Variants in PKNOX2 observed in about 807,000 individuals in gnomAD.
PKNOX2 encodes the protein homeobox protein PKNOX2.
In PKNOX2, 14 loss-of-function variants were observed where a neutral mutation model predicts 53.1. The ratio of observed to expected loss-of-function variants is 0.26; its 90% CI spans 0.17 to 0.41. The LOEUF (loss-of-function observed/expected upper bound fraction) is 0.41. PKNOX2 is among the 10% of genes least tolerant of loss of function. PKNOX2 has a pLI of 1.00. For synonymous variants in PKNOX2, 257 were observed against 242.8 expected, an observed-to-expected ratio of 1.06 and a Z score of -0.54; for missense variants, 496 against 602.8, an observed-to-expected ratio of 0.82 and a Z score of 1.85.
intron 1 of PKNOX2, among the ~76,000 whole-genome samples, chr11:125,205,911 T>C (rs1358977554): frequency 6.6e-6 from 1 of 152,122 alleles, no homozygotes; most frequent in South Asian, 2.1e-4. Flanking sequence ...AAGATTACAA[T>C]GCAGGAGACA....
At chr11:125,308,715 A>T (rs1367033340) in intron 2 of PKNOX2, among the ~76,000 whole-genome samples, 1 of 152,178 alleles carries the variant, frequency 6.6e-6, no homozygotes, top group Admixed American at 6.5e-5. Flanking sequence ...ATCTCTGATT[A>T]GAGAGGCTTT....
At chr11:125,350,007 G>A (rs1951210998) in intron 3 of PKNOX2, among the ~76,000 whole-genome samples, 1 of 152,136 alleles carries the variant, frequency 6.6e-6, no homozygotes, top group African/African-American at 2.4e-5. Flanking sequence ...AGCCCTAGGT[G>A]CCTCAGGGAG....
rs189158126 is a variant in PKNOX2, at chr11:125,344,159, G to A, written c.-22-7125G>A. Among the ~76,000 whole-genome samples the A allele has an allele frequency of 1.4e-3, 212 of 152,316 alleles. 1 individual carries two copies. The highest frequency in any genetic ancestry group is 2.4e-3 in the Non-Finnish European group (160 of 68,026). ...GAGGGACCCGGCACCCTCTCCTCCA[G>A]GGTGGGTCTCTAATGTAAGCTTCTG... On this transcript the variant is annotated intron_variant, in intron 3 of 12. Transcript: ENST00000298282.
At chr11:125,367,335 G>T (rs1241749914) in intron 4 of PKNOX2, among the ~76,000 whole-genome samples, 1 of 152,152 alleles carries the variant, frequency 6.6e-6, no homozygotes, top group Non-Finnish European at 1.5e-5. Context: ...AAGTGGCCAG[G>T]TAAACCAAAT....
chr11:125,178,671 A>AAGG (rs1412248302), intron 1 of PKNOX2, among the ~76,000 whole-genome samples: 2 of 116,280 alleles, frequency 1.7e-5, no homozygotes, highest in Non-Finnish European at 3.3e-5. Context: ...GGAAGGAAGG[A>AAGG]AAGAAAGAGA....
At chr11:125,250,006 G>A (rs1052396932) in intron 2 of PKNOX2, among the ~76,000 whole-genome samples, 3 of 150,156 alleles carry the variant, frequency 2.0e-5, no homozygotes, top group Non-Finnish European at 3.0e-5. Flanking sequence ...CAGAGGTTGC[G>A]GTGAGCAGAG....
At chr11:125,167,595 A>G (rs900204237) in intron 1 of PKNOX2, among the ~76,000 whole-genome samples, 4 of 152,206 alleles carry the variant, frequency 2.6e-5, no homozygotes, top group African/African-American at 9.6e-5. Flanking sequence ...GGGCCCGACC[A>G]CCGCTCACAG....
In PKNOX2 at chr11:125,408,312, A is replaced by C. The variant is rs188668426; in HGVS notation, c.589-1884A>C. Among the ~76,000 whole-genome samples the C allele has an allele frequency of 3.3e-5, 5 of 152,338 alleles. No individual in the cohort carries two copies. In the East Asian group the frequency reaches 9.7e-4, roughly 29 times the overall value. On this transcript the variant is annotated intron_variant, in intron 7 of 12. Coordinates refer to ENST00000298282, the MANE Select transcript of PKNOX2 (RefSeq NM_001382323.2). Reference sequence around the variant, plus strand: ...CTGCGACTGCAGGAACAGAAAGGCCAAGAGCTCTGCTCAAAGTATAAGCTT... The same window carrying C: ...CTGCGACTGCAGGAACAGAAAGGCCCAGAGCTCTGCTCAAAGTATAAGCTT...
intron 2 of PKNOX2, among the ~76,000 whole-genome samples, chr11:125,320,108 C>T (rs1319743912): frequency 6.6e-6 from 1 of 152,134 alleles, no homozygotes; most frequent in Non-Finnish European, 1.5e-5. Flanking sequence ...GTCCTCATAT[C>T]CCTTGCTGTT....
chr11:125,252,711 G>A (rs766284681), intron 2 of PKNOX2, among the ~76,000 whole-genome samples: 7 of 152,212 alleles, frequency 4.6e-5, no homozygotes, highest in South Asian at 2.1e-4. Flanking sequence ...TAGCTCCCCC[G>A]GGCTGCGAGA....
chr11:125,249,296 T>G (rs1943819757), intron 2 of PKNOX2, among the ~76,000 whole-genome samples: 1 of 152,094 alleles, frequency 6.6e-6, no homozygotes, highest in South Asian at 2.1e-4. Context: ...TTTTAAAATT[T>G]GACTTTGATT....
At chr11:125,329,185 T>G (rs370001464) in intron 2 of PKNOX2, among the ~76,000 whole-genome samples, 1 of 152,244 alleles carries the variant, frequency 6.6e-6, no homozygotes, top group Non-Finnish European at 1.5e-5. Context: ...ATTTTCCTCC[T>G]ACATGAAAAG....
chr11:125,402,768 G>A (rs1006524122), intron 7 of PKNOX2, among the ~76,000 whole-genome samples: 14 of 152,210 alleles, frequency 9.2e-5, no homozygotes, highest in Non-Finnish European at 1.8e-4. Context: ...GTGGCTTGAG[G>A]TTGCCCCAGT....
At chr11:125,323,094 G>A (rs114149608) in intron 2 of PKNOX2, among the ~76,000 whole-genome samples, 1,674 of 152,236 alleles carry the variant, frequency 0.011, 34 homozygotes, top group African/African-American at 0.038. Context: ...GCCCAGAGCA[G>A]TGACGTGCTG....
chr11:125,309,183 TCTTC>T (rs1276486519), intron 2 of PKNOX2, among the ~76,000 whole-genome samples: 2 of 143,502 alleles, frequency 1.4e-5, no homozygotes, highest in Non-Finnish European at 3.0e-5. Context: ...TCTCTCTCTT[TCTTC>T]CTTCCTTCCT....
intron 1 of PKNOX2, among the ~76,000 whole-genome samples, chr11:125,219,050 T>C (rs1384284053): frequency 6.6e-6 from 1 of 151,944 alleles, no homozygotes; most frequent in Non-Finnish European, 1.5e-5. Context: ...ACTGCAAAAG[T>C]ATAGGGAGCA....
At chr11:125,365,598 G>A (rs572495600) in intron 4 of PKNOX2, among the ~76,000 whole-genome samples, 2 of 152,298 alleles carry the variant, frequency 1.3e-5, no homozygotes, top group South Asian at 2.1e-4. Flanking sequence ...AATTTGTTGA[G>A]CATTTTTTTA....
chr11:125,378,815 G>A (rs769658737), intron 5 of PKNOX2, among the ~76,000 whole-genome samples: 1 of 152,150 alleles, frequency 6.6e-6, no homozygotes, highest in African/African-American at 2.4e-5. Context: ...CCTCGCCCCC[G>A]CTCATGGCTG....
At chr11:125,395,914 T>C (rs1954359468) in intron 6 of PKNOX2, among the ~76,000 whole-genome samples, 1 of 152,078 alleles carries the variant, frequency 6.6e-6, no homozygotes, top group Non-Finnish European at 1.5e-5. Context: ...AGAGTAAACA[T>C]TTTTAATTTT....
Sources: allele counts gnomAD v4.1 joint callset (sites outside exome capture counted in the v4.1 genomes callset), GRCh38; gene constraint gnomAD v4.1.1; transcripts MANE v1.5; gene names NCBI Gene and HGNC (gene_info 2026-07-23, HGNC 2026-07-21).